Variants in SORBS2 observed in about 807,000 individuals in gnomAD.
SORBS2 encodes the protein sorbin and SH3 domain containing 2.
SORBS2 carries 46 observed loss-of-function variants against 97.7 expected under a neutral mutation model. That is an observed-to-expected ratio of 0.47 (90% CI 0.37 to 0.60). The LOEUF is 0.60. SORBS2 is among the 20% of genes least tolerant of loss of function. The pLI is 0.00. For missense variants in SORBS2, 1,316 were observed against 1,282.3 expected (o/e 1.03, Z -0.40); for synonymous variants, 476 against 473.4 (o/e 1.01, Z -0.07).
chr4:185,735,781 C>G (rs2098681983), intron 2 of SORBS2, among the ~76,000 whole-genome samples: 1 of 152,048 alleles, frequency 6.6e-6, no homozygotes, highest in Non-Finnish European at 1.5e-5. Context: ...CTATAGATAA[C>G]TAAAATTCTA....
chr4:185,798,421 C>G (rs1470077612), intron 1 of SORBS2, among the ~76,000 whole-genome samples: 1 of 152,038 alleles, frequency 6.6e-6, no homozygotes, highest in Admixed American at 6.6e-5. Context: ...CAGTCAAATC[C>G]TGTATTACCG....
intron 4 of SORBS2, among the ~76,000 whole-genome samples, chr4:185,644,207 G>A (rs759480272): frequency 2.0e-5 from 3 of 152,070 alleles, no homozygotes; most frequent in Non-Finnish European, 4.4e-5. Flanking sequence ...CCATAAGATA[G>A]CCATTCTCAC....
chr4:185,931,665 T>A (rs886535171), intron 1 of SORBS2, among the ~76,000 whole-genome samples: 7 of 152,172 alleles, frequency 4.6e-5, no homozygotes, highest in African/African-American at 1.7e-4. Context: ...CAGGGGACTT[T>A]CATTAAACTG....
intron 1 of SORBS2, among the ~76,000 whole-genome samples, chr4:185,943,432 C>T (rs576546433): frequency 1.4e-4 from 21 of 152,296 alleles, no homozygotes; most frequent in East Asian, 9.7e-4. Context: ...ACATCATCTA[C>T]GACATATTCT....
intron 1 of SORBS2, among the ~76,000 whole-genome samples, chr4:185,848,278 T>C (rs1297135254): frequency 6.6e-6 from 1 of 152,164 alleles, no homozygotes; most frequent in African/African-American, 2.4e-5. Flanking sequence ...CCTGCAGGGA[T>C]TCCTGAGTGC....
intron 2 of SORBS2, among the ~76,000 whole-genome samples, chr4:185,767,670 A>G (rs1020747248): frequency 6.6e-6 from 1 of 152,120 alleles, no homozygotes; most frequent in African/African-American, 2.4e-5. Flanking sequence ...TACACAGGGC[A>G]GTACTGACTG....
At position 185,850,819 on chromosome 4, in the gene SORBS2, T is replaced by C. The variant is rs114912434; in HGVS notation, c.-337-75453A>G. Among the ~76,000 whole-genome samples, 1,345 of 152,274 alleles carry C rather than the reference T, an allele frequency of 8.8e-3. 11 individuals carry two copies. Among genetic ancestry groups the C allele is most frequent in the Middle Eastern group, 0.037 (11 of 294 alleles). On this transcript the variant is annotated intron_variant, in intron 1 of 20. Coordinates refer to the SORBS2 transcript ENST00000284776. ...TTTCTGGAAGAGATGAGCATTTGAA[T>C]TGATAGACTTGAATAAAAAAGATCC...
intron 1 of SORBS2, chr4:185,918,313 T>C (rs952274491): frequency 6.6e-6 from 1 of 152,212 alleles, no homozygotes; most frequent in African/African-American, 2.4e-5. Context: ...GTTCGTACGT[T>C]TTCATGGTTA....
At chr4:185,647,974 GT>G (rs1333268681) in intron 3 of SORBS2, among the ~76,000 whole-genome samples, 2 of 152,158 alleles carry the variant, frequency 1.3e-5, no homozygotes, top group Non-Finnish European at 2.9e-5. Context: ...AACAATTTGT[GT>G]CTAGAAAACT....
chr4:185,818,642 C>G (rs964156459), intron 1 of SORBS2, among the ~76,000 whole-genome samples: 32 of 151,766 alleles, frequency 2.1e-4, no homozygotes, highest in African/African-American at 7.5e-4. Flanking sequence ...CTGGCTAACA[C>G]GGTGAAACCC....
chr4:185,723,308 T>A (rs2098530676), intron 2 of SORBS2, among the ~76,000 whole-genome samples: 1 of 152,208 alleles, frequency 6.6e-6, no homozygotes, highest in Non-Finnish European at 1.5e-5. Flanking sequence ...TCACTCTGTC[T>A]CCCTTAAGAA....
At chr4:185,777,407 T>C (rs1204640190) in intron 1 of SORBS2, among the ~76,000 whole-genome samples, 1 of 151,856 alleles carries the variant, frequency 6.6e-6, no homozygotes, top group Admixed American at 6.6e-5. Context: ...GACAGACACA[T>C]TTTTTAATTG....
intron 2 of SORBS2, among the ~76,000 whole-genome samples, chr4:185,768,793 C>T (rs1039578949): frequency 7.3e-5 from 11 of 151,326 alleles, no homozygotes; most frequent in African/African-American, 1.2e-4. Flanking sequence ...TATGCAAGGG[C>T]GACATGTGGC....
Position 185,691,609 on chromosome 4 carries a change from GAC to G in SORBS2, c.-197-12789_-197-12788del, listed in dbSNP as rs1456623666. On this transcript the variant is annotated intron_variant, in intron 2 of 20. Transcript: ENST00000284776. Reference sequence around the variant, plus strand: ...GAGATTCATCTTTCTCTTTTTTAAAGACACAGGAAATAGATGGTCACTACAAA... The same window carrying G: ...GAGATTCATCTTTCTCTTTTTTAAAGACAGGAAATAGATGGTCACTACAAA... Among the ~76,000 whole-genome samples, 7 of 152,238 alleles carry G rather than the reference GAC, an allele frequency of 4.6e-5. No homozygotes were observed. The South Asian group carries it at 6.2e-4, about 14-fold the overall frequency.
chr4:185,621,529 C>T (rs1034242828), intron 7 of SORBS2, among the ~76,000 whole-genome samples: 1 of 152,146 alleles, frequency 6.6e-6, no homozygotes, highest in Admixed American at 6.5e-5. Context: ...GATTCTGACA[C>T]ATTTCAATTA....
intron 1 of SORBS2, among the ~76,000 whole-genome samples, chr4:185,784,410 G>A (rs973792359): frequency 2.6e-5 from 4 of 152,178 alleles, no homozygotes; most frequent in South Asian, 2.1e-4. Context: ...GATTACAAGC[G>A]TGAGCCACCG....
chr4:185,665,610 G>A (rs1250541175), intron 4 of SORBS2: 1 of 253,436 alleles, frequency 3.9e-6, no homozygotes, highest in East Asian at 1.8e-4. Context: ...CCTGACAGAT[G>A]GCATAGAATT....
intron 1 of SORBS2, among the ~76,000 whole-genome samples, chr4:185,912,349 C>T (rs1402443336): frequency 1.3e-5 from 2 of 152,020 alleles, no homozygotes; most frequent in Non-Finnish European, 2.9e-5. Flanking sequence ...CTTTGGAAGG[C>T]CGAGGCGGGT....
intron 2 of SORBS2, among the ~76,000 whole-genome samples, chr4:185,738,793 C>T (rs1003917256): frequency 2.0e-5 from 3 of 152,210 alleles, no homozygotes; most frequent in Non-Finnish European, 2.9e-5. Flanking sequence ...GTGACTCTCA[C>T]AAAGTTCAGG....
Sources: allele counts gnomAD v4.1 joint callset (sites outside exome capture counted in the v4.1 genomes callset), GRCh38; gene constraint gnomAD v4.1.1; transcripts MANE v1.5; gene names NCBI Gene and HGNC (gene_info 2026-07-23, HGNC 2026-07-21).